ZCCHC17: variants seen among roughly 807,000 people sequenced by gnomAD.
ZCCHC17 encodes the protein zinc finger CCHC-type containing 17, also known as zinc finger CCHC domain-containing protein 17.
Under a neutral mutation model 30.6 loss-of-function variants are expected in ZCCHC17, and 18 were observed. The ratio of observed to expected loss-of-function variants is 0.59; its 90% confidence interval spans 0.41 to 0.87. The LOEUF is 0.87. Among genes scored for constraint, ZCCHC17 ranks in the 40% least tolerant of loss-of-function variants. The pLI is 0.00. For synonymous variants in ZCCHC17, 88 were observed against 92.4 expected (o/e 0.95, Z 0.27); for missense variants, 263 against 284.2 (o/e 0.93, Z 0.54).
intron 2 of ZCCHC17, 51 bp downstream of exon 2, chr1:31,310,215 A>G: frequency 6.3e-7 from 1 of 1,590,972 alleles, no homozygotes; most frequent in Non-Finnish European, 8.6e-7. Flanking sequence ...AAATAGATTA[A>G]GGGTGACAAC....
intron 3 of ZCCHC17, among the ~76,000 whole-genome samples, chr1:31,319,837 A>T (rs971548571): frequency 6.6e-6 from 1 of 152,154 alleles, no homozygotes; most frequent in Non-Finnish European, 1.5e-5. Flanking sequence ...CTAACTTCTT[A>T]TGCTAAAATA....
intron 7 of ZCCHC17, 41 bp downstream of exon 7, chr1:31,349,015 A>C: frequency 6.5e-7 from 1 of 1,531,844 alleles, no homozygotes; most frequent in Non-Finnish European, 8.7e-7. Flanking sequence ...GTCTTTTTCA[A>C]GTTTTAAGAT....
At chr1:31,297,117 G>A in intron 1 of ZCCHC17, 42 bp downstream of exon 1, 4 of 416,466 alleles carry the variant, frequency 9.6e-6, no homozygotes, top group Non-Finnish European at 1.7e-5. Flanking sequence ...GCCTGAGTCT[G>A]GAGGCGACGC....
intron 7 of ZCCHC17, among the ~76,000 whole-genome samples, chr1:31,356,098 G>C (rs778601002): frequency 3.9e-5 from 6 of 152,216 alleles, no homozygotes; most frequent in Non-Finnish European, 8.8e-5. Flanking sequence ...AGTAACTCAT[G>C]TAAGTTCAGT....
intron 3 of ZCCHC17, among the ~76,000 whole-genome samples, chr1:31,335,157 C>T (rs374318196): frequency 1.1e-4 from 16 of 152,150 alleles, no homozygotes; most frequent in African/African-American, 3.6e-4. Context: ...TTTATACTCC[C>T]AGGGCTTTGC....
At chr1:31,337,840 T>C (rs1000960676) in intron 4 of ZCCHC17, among the ~76,000 whole-genome samples, 19 of 152,124 alleles carry the variant, frequency 1.2e-4, no homozygotes, top group African/African-American at 4.6e-4. Flanking sequence ...GCACAGGAGA[T>C]AGGCATGAAA....
chr1:31,339,960 CTTTTTTTTTTTTTTT>C, intron 5 of ZCCHC17, among the ~76,000 whole-genome samples: 1 of 90,424 alleles, frequency 1.1e-5, no homozygotes, highest in Non-Finnish European at 2.2e-5. Flanking sequence ...TCTTGGATTT[CTTTTTTTTTTTTTTT>C]TTTTTTTTTG....
In ZCCHC17 at chr1:31,364,424, C is replaced by A; in HGVS notation, c.*231C>A. ...ACTCCTGGTCCCTTTGCAAGTGAAC[C>A]CTGCAGCTCACCCATTCATTCACCC... is the stretch of plus-strand genomic sequence containing the variant. On this transcript the variant is annotated 3_prime_UTR_variant, in exon 8 of 8. Coordinates refer to ENST00000344147, the MANE Select transcript of ZCCHC17 (RefSeq NM_016505.4). The A allele has an allele frequency of 1.6e-6, 1 of 625,444 alleles. No individual in the cohort carries two copies. Among genetic ancestry groups the A allele is most frequent in the Non-Finnish European group, 2.6e-6 (1 of 389,812 alleles). 38.7% of individuals were successfully genotyped at this position (625,444 alleles called of 1,614,324 possible). A position where few individuals can be genotyped will look rare whatever the true frequency, so the allele number is the denominator to read the frequency against.
chr1:31,326,681 T>C (rs748546268), intron 3 of ZCCHC17, among the ~76,000 whole-genome samples: 1 of 152,162 alleles, frequency 6.6e-6, no homozygotes, highest in Non-Finnish European at 1.5e-5. Context: ...GTGATGCCTC[T>C]GATTGTGGCT....
intron 5 of ZCCHC17, among the ~76,000 whole-genome samples, chr1:31,341,972 A>C (rs903429334): frequency 6.6e-6 from 1 of 152,108 alleles, no homozygotes; most frequent in African/African-American, 2.4e-5. Flanking sequence ...CTTTTGAAAG[A>C]GTGTGTGTGT....
rs555626823 is a variant in ZCCHC17, at chr1:31,324,214, T to C, written c.124+5048T>C. 2.1e-4 allele frequency among the ~76,000 whole-genome samples: 32 copies of C among 152,332 alleles called. 1 individual carries two copies. In the South Asian group the frequency reaches 2.9e-3, roughly 14 times the overall value. ...TGAGCCAGGAGTGGTGGCATGCACC[T>C]GTAATTCCAGCTACTTGGGAGGCTG... On this transcript the variant is annotated intron_variant, in intron 3 of 7. Coordinates refer to ENST00000344147, the MANE Select transcript of ZCCHC17 (RefSeq NM_016505.4).
intron 5 of ZCCHC17, among the ~76,000 whole-genome samples, chr1:31,344,801 A>AT: frequency 6.6e-6 from 1 of 152,074 alleles, no homozygotes; most frequent in Non-Finnish European, 1.5e-5. Context: ...AGCAAAAACC[A>AT]TGTTTGTGAG....
In ZCCHC17 at chr1:31,364,081, G is replaced by C. The variant is rs752419855; in HGVS notation, c.614G>C (p.Ser205Thr). The C allele has an allele frequency of 3.7e-6, 6 of 1,613,822 alleles. No individual in the cohort carries two copies. The highest frequency in any genetic ancestry group is 5.1e-6 in the Non-Finnish European group (6 of 1,179,860). Residue 205 changes from serine (S) to threonine (T), a missense_variant, in exon 8 of 8, where the codon AGC becomes ACC. By Grantham distance (58) the Ser-to-Thr change is moderately conservative. Transcript: ENST00000344147. ...GATAGGAAGTCATCTGACTCTGACA[G>C]CTCAGACTCTGAGAGTGATACAGGC... ...HRDRKSSDSD[S>T]SDSESDTGKR...
chr1:31,357,139 A>AT (rs1178102125), intron 7 of ZCCHC17, among the ~76,000 whole-genome samples: 1 of 152,116 alleles, frequency 6.6e-6, no homozygotes, highest in Non-Finnish European at 1.5e-5. Context: ...TTACCATATG[A>AT]TTTTCTGCTG....
intron 1 of ZCCHC17, among the ~76,000 whole-genome samples, chr1:31,303,030 C>T (rs1174383924): frequency 6.6e-6 from 1 of 151,930 alleles, no homozygotes; most frequent in Non-Finnish European, 1.5e-5. Flanking sequence ...GTAATCTCAG[C>T]ACTTTGGGAG....
chr1:31,344,826 T>C (rs931933686), intron 5 of ZCCHC17, among the ~76,000 whole-genome samples: 1 of 152,006 alleles, frequency 6.6e-6, no homozygotes. Context: ...TTGAGTTATG[T>C]CCTCAAGTTT....
chr1:31,305,760 A>G (rs1322105964), intron 1 of ZCCHC17, among the ~76,000 whole-genome samples: 1 of 152,194 alleles, frequency 6.6e-6, no homozygotes, highest in Non-Finnish European at 1.5e-5. Flanking sequence ...GACTTTTTAA[A>G]AATAAATTTG....
At chr1:31,362,992 A>T (rs1288019141) in intron 7 of ZCCHC17, among the ~76,000 whole-genome samples, 1 of 152,216 alleles carries the variant, frequency 6.6e-6, no homozygotes, top group Non-Finnish European at 1.5e-5. Flanking sequence ...TGTGTATACT[A>T]AATATACACA....
At chr1:31,346,603 T>A in intron 5 of ZCCHC17, 37 bp from the exon 6 acceptor site, 1 of 1,582,158 alleles carries the variant, frequency 6.3e-7, no homozygotes, top group Non-Finnish European at 8.6e-7. Flanking sequence ...GCCATATCTC[T>A]TAAGGGGGCC....
Sources: gnomAD v4.1 joint callset for allele counts (sites outside exome capture counted in the v4.1 genomes callset) on GRCh38, gnomAD v4.1.1 for gene constraint, MANE v1.5 for transcripts, NCBI Gene and HGNC (gene_info 2026-07-23, HGNC 2026-07-21) for gene names.